OTP: variants seen among roughly 807,000 people sequenced by gnomAD.
OTP encodes orthopedia homeobox.
In OTP, 5 loss-of-function variants were observed where a neutral mutation model predicts 22.3. The observed-to-expected ratio is 0.22, with a 90% CI of 0.12 to 0.47. The LOEUF is 0.47. OTP is among the 20% of genes least tolerant of loss of function. The probability of loss-of-function intolerance (pLI) is 0.99; values close to 1 mark genes in which losing one functional copy is unlikely to be tolerated. For missense variants in OTP, 428 were observed against 456.2 expected, an observed-to-expected ratio of 0.94 and a Z score of 0.56; for synonymous variants, 229 against 210.6, an observed-to-expected ratio of 1.09 and a Z score of -0.76.
Position 77,630,278 on chromosome 5 carries a change from T to A in OTP, c.964A>T (p.Met322Leu). The change falls in exon 3 of 3, where the codon ATG (methionine) becomes TTG (leucine). Residue 322 changes from methionine (M) to leucine (L), a missense_variant. Transcript: ENST00000306422. ...RRKALEHTVS[M>L]SFT Reference sequence around the variant, plus strand: ...GCGCGGCTGCATTAAGTGAAGCTCATAGAGACTGTGTGCTCTAGCGCCTTG... The same window carrying A: ...GCGCGGCTGCATTAAGTGAAGCTCAAAGAGACTGTGTGCTCTAGCGCCTTG... 1.3e-6 allele frequency: 2 copies of A among 1,553,752 alleles called. No homozygotes were observed. Among genetic ancestry groups the A allele is most frequent in the South Asian group, 1.2e-5 (1 of 85,138 alleles).
chr5:77,630,854 G>A (rs899260116), intron 2 of OTP, 60 bp from the exon 3 acceptor site: 4 of 1,459,620 alleles, frequency 2.7e-6, no homozygotes, highest in Non-Finnish European at 3.6e-6. Flanking sequence ...CGGCTGGGGA[G>A]TTGGGGCTTG....
At position 77,637,090 on chromosome 5, in the gene OTP, C is replaced by T. The variant is rs750666826; in HGVS notation, c.178G>A (p.Gly60Arg). Reference sequence around the variant, plus strand: ...GAGCCCACTGTGGTGATGTCCTCCCCGGGCAGCAGAGTGGCTCCCTCCACT... The same window carrying T: ...GAGCCCACTGTGGTGATGTCCTCCCTGGGCAGCAGAGTGGCTCCCTCCACT... The part of the protein sequence containing the change: ...DPVEGATLLP[G>R]EDITTVGSTP... The change falls in exon 2 of 3, where the codon GGG (glycine) becomes AGG (arginine). Residue 60 changes from glycine to arginine, a missense_variant. Transcript: ENST00000306422. 7 of 1,613,172 alleles carry T rather than the reference C, an allele frequency of 4.3e-6. No homozygotes were observed. Among genetic ancestry groups the T allele is most frequent in the South Asian group, 1.1e-5 (1 of 91,014 alleles).
At chr5:77,637,626 T>C (rs1334259144) in intron 1 of OTP, among the ~76,000 whole-genome samples, 1 of 152,220 alleles carries the variant, frequency 6.6e-6, no homozygotes, top group South Asian at 2.1e-4. Context: ...ATTCCTCGGT[T>C]GCTGCGGCAC....
chr5:77,637,401 G>T (rs898475552), intron 1 of OTP, among the ~76,000 whole-genome samples, 171 bp from the exon 2 acceptor site: 2 of 152,226 alleles, frequency 1.3e-5, no homozygotes, highest in Non-Finnish European at 2.9e-5. Context: ...TGGACAGCCG[G>T]GTTGGAATAA....
At position 77,637,012 on chromosome 5, in the gene OTP, G is replaced by C; in HGVS notation, c.256C>G (p.Pro86Ala). ...SAKDPDKQPG[P>A]QGGPNPSQAG... The stretch of plus-strand genomic sequence containing the variant: ...TGGCTGGGGTTCGGGCCGCCCTGGG[G>C]CCCGGGCTGCTTGTCCGGGTCTTTG... Residue 86 changes from proline (P) to alanine (A), a missense_variant, in exon 2 of 3, where the codon CCC becomes GCC. Pro to Ala is a conservative substitution (Grantham distance 27, BLOSUM62 -1). Transcript: ENST00000306422. 1 of 1,613,116 alleles carries C rather than the reference G, an allele frequency of 6.2e-7. No individual in the cohort carries two copies. Among genetic ancestry groups the C allele is most frequent in the South Asian group, 1.1e-5 (1 of 91,008 alleles).
chr5:77,632,119 A>G (rs1278982924), intron 2 of OTP, among the ~76,000 whole-genome samples: 1 of 149,016 alleles, frequency 6.7e-6, no homozygotes, highest in Non-Finnish European at 1.5e-5. Context: ...TTTTTTTTTT[A>G]ACAGTGGCCC....
chr5:77,633,497 G>A (rs1006045827), intron 2 of OTP, among the ~76,000 whole-genome samples: 2 of 152,144 alleles, frequency 1.3e-5, no homozygotes, highest in African/African-American at 4.8e-5. Context: ...ACCTAAGGGA[G>A]ATTTTTAGAA....
intron 1 of OTP, among the ~76,000 whole-genome samples, chr5:77,637,697 C>T (rs1745032264): frequency 6.6e-6 from 1 of 152,180 alleles, no homozygotes; most frequent in Admixed American, 6.5e-5. Context: ...CTCTTACTTT[C>T]GGAAGATGAA....
intron 2 of OTP, chr5:77,636,247 A>C (rs1274674392): frequency 6.6e-6 from 1 of 152,320 alleles, no homozygotes; most frequent in Non-Finnish European, 1.5e-5. Context: ...CGAAAGTTCA[A>C]ACCCCTTGCA....
chr5:77,630,380 A>T lies in OTP; in HGVS notation c.862T>A (p.Ser288Thr). ...GAGCTGCAGAGCTGGGGCGAACCGG[A>T]GACGTTGCTGGGGCCGGGGAGGGAG... Reference protein sequence around the residue: ...PASLPGPSNVSGSPQLCSSPD... With the variant: ...PASLPGPSNVTGSPQLCSSPD... Residue 288 changes from serine (S) to threonine (T), a missense_variant, in exon 3 of 3, where the codon TCC becomes ACC. Ser to Thr is a moderately conservative substitution (Grantham distance 58). Around this residue, in one of 3 missense-constraint regions of OTP, gnomAD observed 236 missense variants for 238.1 expected, o/e 0.99. Transcript: ENST00000306422. 6.3e-7 allele frequency: 1 copy of T among 1,578,780 alleles called. No homozygotes were observed. The highest frequency in any genetic ancestry group is 8.6e-7 in the Non-Finnish European group (1 of 1,166,144).
chr5:77,633,314 T>G (rs1218129043), intron 2 of OTP, among the ~76,000 whole-genome samples: 3 of 152,196 alleles, frequency 2.0e-5, no homozygotes, highest in Non-Finnish European at 4.4e-5. Flanking sequence ...GTTTGAGGGT[T>G]AGTAGTCAAA....
rs1744915597 is a variant in OTP, at chr5:77,630,703, C to A, written c.539G>T (p.Gly180Val). The change falls in exon 3 of 3, where the codon GGC becomes GTC. Residue 180 changes from glycine to valine, a missense_variant. By Grantham distance (109) the Gly-to-Val change is moderately radical. This residue lies in a region of OTP where 236 missense variants were observed against 238.1 expected (regional missense o/e 0.99). Coordinates refer to ENST00000306422, the MANE Select transcript of OTP (RefSeq NM_032109.3). ...GGCAGCCGACGGGAACTGAGGCAGG[C>A]CTGGCGTGGGCAGCAGTGTGCCGGG... is the stretch of plus-strand genomic sequence containing the variant. Reference protein sequence around the residue: ...RAPGTLLPTPGLPQFPSAAAA... With the variant: ...RAPGTLLPTPVLPQFPSAAAA... The A allele has an allele frequency of 1.3e-6, 2 of 1,581,726 alleles. No individual in the cohort carries two copies. Among genetic ancestry groups the A allele is most frequent in the African/African-American group, 1.3e-5 (1 of 74,502 alleles).
intron 2 of OTP, 152 bp downstream of exon 2, chr5:77,636,669 C>T (rs895011221): frequency 5.7e-6 from 4 of 707,276 alleles, no homozygotes; most frequent in Non-Finnish European, 9.1e-6. Context: ...GACCAGTTTC[C>T]GGGTAGAGAA....
chr5:77,630,653 C>G lies in OTP; in HGVS notation c.589G>C (p.Asp197His). Residue 197 changes from aspartate (D) to histidine (H), a missense_variant, in exon 3 of 3, where the codon GAC becomes CAC. Around this residue, in one of 3 missense-constraint regions of OTP, gnomAD observed 236 missense variants for 238.1 expected, o/e 0.99. Transcript: ENST00000306422. ...AAAAAAAAMG[D>H]SLCSFHANDT... is the part of the protein sequence containing the mutation. ...TTGGCGTGGAAAGAGCACAGGCTGT[C>G]GCCCATGGCGGCGGCAGCGGCGGCG... 6.3e-7 allele frequency: 1 copy of G among 1,576,860 alleles called. No individual in the cohort carries two copies. Among genetic ancestry groups the G allele is most frequent in the Non-Finnish European group, 8.6e-7 (1 of 1,169,120 alleles).
rs1744946826 is a variant in OTP, at chr5:77,632,468, ATCTAACC to A, written c.448-1681_448-1675del. ...GGAAAAAAACGTTGTGCATCCGTTA[ATCTAACC>A]TATTTAGTGTTTACTCTGCAAGCTA... On this transcript the variant is annotated intron_variant, in intron 2 of 2. Transcript: ENST00000306422. 1.3e-5 allele frequency among the ~76,000 whole-genome samples: 2 copies of A among 151,956 alleles called. 1 individual carries two copies. The highest frequency in any genetic ancestry group is 4.2e-4 in the South Asian group (2 of 4,812).
chr5:77,630,223 G>C lies in OTP; in HGVS notation c.*41C>G, dbSNP rs1169831948. ...CCGGAAGGGCCTCGGGGCGGCCCCC[G>C]GGGCGGTGCTGGGGGCGGAGCGGGC... On this transcript the variant is annotated 3_prime_UTR_variant, in exon 3 of 3. Transcript: ENST00000306422. 2.7e-5 allele frequency: 37 copies of C among 1,373,066 alleles called. No homozygotes were observed. Among genetic ancestry groups the C allele is most frequent in the Non-Finnish European group, 3.2e-5 (34 of 1,056,272 alleles). The allele number at this position is 1,373,066 out of a possible 1,614,324, so 85.1% of individuals were successfully genotyped here.
At chr5:77,631,324 T>C (rs1744925631) in intron 2 of OTP, among the ~76,000 whole-genome samples, 1 of 152,174 alleles carries the variant, frequency 6.6e-6, no homozygotes, top group Non-Finnish European at 1.5e-5. Flanking sequence ...CCCCTAACGC[T>C]ACGGTTGACA....
chr5:77,636,618 CG>C, intron 2 of OTP: 1 of 556,638 alleles, frequency 1.8e-6, no homozygotes, highest in Non-Finnish European at 3.1e-6. Context: ...CTATACTGGC[CG>C]GAGACGGGCC....
At chr5:77,638,303 G>T (rs1488656847) in intron 1 of OTP, among the ~76,000 whole-genome samples, 1 of 147,294 alleles carries the variant, frequency 6.8e-6, no homozygotes, top group Non-Finnish European at 1.5e-5. Flanking sequence ...AAAACAAAAA[G>T]TAACAACATT....
Sources: allele counts gnomAD v4.1 joint callset (sites outside exome capture counted in the v4.1 genomes callset), GRCh38; gene constraint gnomAD v4.1.1; regional missense constraint gnomAD v4.1.1; transcripts MANE v1.5; gene names NCBI Gene and HGNC (gene_info 2026-07-23, HGNC 2026-07-21).